The following SORCS3 variants were observed in gnomAD, a reference collection of about 807,000 sequenced individuals.
The protein encoded by SORCS3 is VPS10 domain-containing receptor SorCS3.
Under a neutral mutation model 146.3 loss-of-function variants are expected in SORCS3, and 57 were observed. The observed-to-expected ratio is 0.39, with a 90% CI of 0.31 to 0.49. The LOEUF (loss-of-function observed/expected upper bound fraction) is 0.49, where lower values mean the gene tolerates loss of function less well. SORCS3 is among the 20% of genes least tolerant of loss of function. SORCS3 has a pLI of 0.92. For missense variants in SORCS3, 1,341 were observed against 1,575.5 expected (o/e 0.85, Z 2.52); for synonymous variants, 653 against 618.5 (o/e 1.06, Z -0.83).
At chr10:104,760,920 TC>T (rs1224213157) in intron 1 of SORCS3, among the ~76,000 whole-genome samples, 2 of 151,912 alleles carry the variant, frequency 1.3e-5, no homozygotes, top group African/African-American at 4.8e-5. Context: ...TTTTTTTTTT[TC>T]TCCATTTGTT....
intron 1 of SORCS3, among the ~76,000 whole-genome samples, chr10:104,802,150 G>A (rs1218956080): frequency 2.6e-5 from 4 of 151,930 alleles, no homozygotes; most frequent in African/African-American, 7.3e-5. Flanking sequence ...CATTATTTTC[G>A]GTAATGACCT....
chr10:105,051,151 T>C (rs142388531), intron 5 of SORCS3, among the ~76,000 whole-genome samples: 2 of 152,318 alleles, frequency 1.3e-5, no homozygotes, highest in African/African-American at 4.8e-5. Context: ...ATTGTAAATA[T>C]CTGTGTATGT....
At chr10:104,731,541 G>C (rs1310953115) in intron 1 of SORCS3, among the ~76,000 whole-genome samples, 1 of 152,154 alleles carries the variant, frequency 6.6e-6, no homozygotes, top group Admixed American at 6.5e-5. Flanking sequence ...TTTCTTGGGA[G>C]GCTCAGTTTC....
rs150596436 is a variant in SORCS3 at position 104,734,278 on chromosome 10, G to A, written c.627+92324G>A. Among the ~76,000 whole-genome samples the A allele has an allele frequency of 1.4e-3, 217 of 152,228 alleles. 2 individuals are homozygous for A. In the East Asian group the frequency reaches 0.038, roughly 26 times the overall value. On this transcript the variant is annotated intron_variant, in intron 1 of 26. Transcript: ENST00000369701. The stretch of plus-strand genomic sequence containing the variant: ...TGTAAGGGTGAATATCTGTAGTCCC[G>A]CACATGTTAGTATGAATTAGTCAGT...
chr10:104,751,924 C>CATATATATATATATATAT (rs71482435), intron 1 of SORCS3, among the ~76,000 whole-genome samples: 4 of 38,456 alleles, frequency 1.0e-4, no homozygotes, highest in Non-Finnish European at 2.0e-4. Flanking sequence ...TAATAGGAAG[C>CATATATATATATATATAT]ATATATATAT....
At chr10:104,735,474 TTTTA>T (rs1025835779) in intron 1 of SORCS3, among the ~76,000 whole-genome samples, 7 of 143,894 alleles carry the variant, frequency 4.9e-5, no homozygotes, top group Admixed American at 4.2e-4. Context: ...TTTTTTTTTT[TTTTA>T]ATCAATCCCT....
Position 105,040,158 on chromosome 10 carries a change from A to G in SORCS3, c.955-2897A>G, listed in dbSNP as rs528547326. The stretch of plus-strand genomic sequence containing the variant: ...AGTGATCCATTTTTTAAAACCCTAC[A>G]TGAAAAACTTAGTCTTTGCAATAAA... On this transcript the variant is annotated intron_variant, in intron 4 of 26. Transcript: ENST00000369701. Among the ~76,000 whole-genome samples the G allele has an allele frequency of 1.6e-3, 247 of 152,318 alleles. 1 individual carries two copies. Among genetic ancestry groups the G allele is most frequent in the Non-Finnish European group, 1.9e-3 (128 of 68,026 alleles).
intron 5 of SORCS3, among the ~76,000 whole-genome samples, chr10:105,054,012 A>G (rs1316138370): frequency 1.3e-5 from 2 of 152,128 alleles, no homozygotes; most frequent in Non-Finnish European, 2.9e-5. Flanking sequence ...AATTTAAAGA[A>G]GTAGTCCATT....
intron 1 of SORCS3, among the ~76,000 whole-genome samples, chr10:104,680,157 G>T (rs2015954270): frequency 6.6e-6 from 1 of 152,148 alleles, no homozygotes; most frequent in Non-Finnish European, 1.5e-5. Context: ...CCTTCCTAGT[G>T]CCTCTCAGAG....
Position 104,822,696 on chromosome 10 carries a change from G to T in SORCS3, c.628-20096G>T, listed in dbSNP as rs150052092. 3.3e-5 allele frequency among the ~76,000 whole-genome samples: 5 copies of T among 152,272 alleles called. No individual in the cohort carries two copies. In the East Asian group the frequency reaches 9.7e-4, roughly 29 times the overall value. ...GGAGAGCAATTCCTCTCAGAGTCTG[G>T]CATGGCCCTCAATACGCTCTAAGTT... On this transcript the variant is annotated intron_variant, in intron 1 of 26. Coordinates refer to ENST00000369701, the MANE Select transcript of SORCS3 (RefSeq NM_014978.3).
chr10:104,683,862 T>C lies in SORCS3; in HGVS notation c.627+41908T>C, dbSNP rs564634963. Among the ~76,000 whole-genome samples the C allele has an allele frequency of 9.8e-5, 15 of 152,314 alleles. No homozygotes were observed. In the South Asian group the frequency reaches 2.9e-3, roughly 29 times the overall value. On this transcript the variant is annotated intron_variant, in intron 1 of 26. Coordinates refer to ENST00000369701, the MANE Select transcript of SORCS3 (RefSeq NM_014978.3). ...GGTAAGCATCTTCTATATGCTGGGC[T>C]CAGGGCTCTATGCTGGGGATACAAG... is the stretch of plus-strand genomic sequence containing the variant.
intron 20 of SORCS3, 53 bp downstream of exon 20, chr10:105,223,302 G>A: frequency 6.6e-7 from 1 of 1,515,132 alleles, no homozygotes; most frequent in Middle Eastern, 1.8e-4. Flanking sequence ...ATGCTCCTAT[G>A]TTCCAGCTTT....
chr10:105,012,535 G>T (rs1589593527), intron 4 of SORCS3, among the ~76,000 whole-genome samples: 1 of 152,118 alleles, frequency 6.6e-6, no homozygotes, highest in Non-Finnish European at 1.5e-5. Context: ...TATTAAGATA[G>T]TAACTTGAGA....
At chr10:104,934,238 T>C (rs1044914567) in intron 3 of SORCS3, among the ~76,000 whole-genome samples, 2 of 152,188 alleles carry the variant, frequency 1.3e-5, no homozygotes, top group African/African-American at 4.8e-5. Context: ...TTGAATAATA[T>C]TGAATCCCAG....
At chr10:104,956,435 C>T (rs945750499) in intron 3 of SORCS3, among the ~76,000 whole-genome samples, 2 of 152,152 alleles carry the variant, frequency 1.3e-5, no homozygotes, top group Non-Finnish European at 1.5e-5. Context: ...TCTGTGTTTG[C>T]GCTCATCTCA....
intron 5 of SORCS3, among the ~76,000 whole-genome samples, chr10:105,046,594 T>C (rs1031375472): frequency 6.6e-6 from 1 of 152,132 alleles, no homozygotes; most frequent in Admixed American, 6.6e-5. Context: ...ATCATTATTA[T>C]CCGCTTCTTC....
At chr10:104,691,983 C>G (rs934120459) in intron 1 of SORCS3, among the ~76,000 whole-genome samples, 4 of 152,136 alleles carry the variant, frequency 2.6e-5, no homozygotes, top group African/African-American at 9.7e-5. Context: ...CCTTCCACCC[C>G]AGACAAGGGT....
chr10:104,996,993 GT>G (rs1238645585), intron 4 of SORCS3, among the ~76,000 whole-genome samples: 1 of 152,110 alleles, frequency 6.6e-6, no homozygotes, highest in African/African-American at 2.4e-5. Context: ...CCTGGAAGAG[GT>G]GTGAGATTTG....
chr10:104,869,276 C>T (rs1258879569), intron 2 of SORCS3, among the ~76,000 whole-genome samples: 2 of 152,054 alleles, frequency 1.3e-5, no homozygotes, highest in African/African-American at 4.8e-5. Flanking sequence ...GGTCCAAAAG[C>T]CAGAGTGTCC....
Sources: gnomAD v4.1 joint callset for allele counts (sites outside exome capture counted in the v4.1 genomes callset) on GRCh38, gnomAD v4.1.1 for gene constraint, MANE v1.5 for transcripts, NCBI Gene and HGNC (gene_info 2026-07-23, HGNC 2026-07-21) for gene names.